Variants in ANK3 observed in about 807,000 individuals in gnomAD.
ANK3 encodes the protein ankyrin 3, also known as ankyrin-3.
A neutral mutation model predicts 370.9 loss-of-function variants in ANK3; 57 were observed. The observed-to-expected ratio is 0.15, with a 90% confidence interval of 0.12 to 0.19. The LOEUF is 0.19. Among genes scored for constraint, ANK3 ranks in the 10% least tolerant of loss-of-function variants. The pLI is 1.00. For synonymous variants in ANK3, 1,929 were observed against 1,946.3 expected (o/e 0.99, Z 0.23); for missense variants, 4,439 against 5,302.1 (o/e 0.84, Z 5.06).
At chr10:60,213,317 T>C (rs1400636665) in intron 9 of ANK3, 95 bp downstream of exon 9, 2 of 838,348 alleles carry the variant, frequency 2.4e-6, no homozygotes, top group African/African-American at 3.4e-5. Flanking sequence ...GACTGCTACA[T>C]TGAAAATGTC....
At chr10:60,490,815 A>C (rs2075478143) in intron 2 of ANK3, among the ~76,000 whole-genome samples, 1 of 152,198 alleles carries the variant, frequency 6.6e-6, no homozygotes, top group Admixed American at 6.5e-5. Context: ...AAATGTACAG[A>C]TTCTAAGTGT....
intron 17 of ANK3, among the ~76,000 whole-genome samples, chr10:60,185,494 A>G (rs1174311823): frequency 2.6e-5 from 4 of 152,336 alleles, no homozygotes; most frequent in South Asian, 2.1e-4. Flanking sequence ...GAAGAATCCA[A>G]CTTAGGATTC....
chr10:60,165,197 T>C (rs74156422), intron 23 of ANK3, among the ~76,000 whole-genome samples: 1,538 of 152,320 alleles, frequency 0.01, 27 homozygotes, highest in African/African-American at 0.035. Context: ...TTGACAAACA[T>C]ACTTTTGACA....
At chr10:60,517,227 C>T (rs779249378) in intron 2 of ANK3, among the ~76,000 whole-genome samples, 17 of 152,042 alleles carry the variant, frequency 1.1e-4, no homozygotes, top group Admixed American at 3.3e-4. Flanking sequence ...ACCACACTGG[C>T]TAATTTTTGT....
intron 23 of ANK3, among the ~76,000 whole-genome samples, chr10:60,155,360 C>T (rs148210604): frequency 6.6e-5 from 10 of 152,248 alleles, no homozygotes; most frequent in African/African-American, 9.6e-5. Context: ...TGCCAGTGCC[C>T]ACGGAAGGAG....
Position 60,635,707 on chromosome 10 carries a change from CA to C in ANK3, c.58-20484del, listed in dbSNP as rs3048271. ...ATTATAGCTTAAACCCTGGATATTA[CA>C]AAAAAAAAAAAGCTCATTGCAGCCA... On this transcript the variant is annotated intron_variant, in intron 1 of 43. Coordinates refer to the ANK3 transcript ENST00000373827. Among the ~76,000 whole-genome samples the C allele has an allele frequency of 9.5e-3, 1,410 of 148,866 alleles. 25 individuals are homozygous for C. The highest frequency in any genetic ancestry group is 0.028 in the African/African-American group (1,141 of 40,410).
intron 1 of ANK3, among the ~76,000 whole-genome samples, chr10:60,328,039 A>G (rs559863399): frequency 6.6e-6 from 1 of 152,316 alleles, no homozygotes; most frequent in African/African-American, 2.4e-5. Flanking sequence ...TCTTAAAAAA[A>G]AAGAATCCCT....
At chr10:60,324,661 T>A (rs1413560682) in intron 1 of ANK3, among the ~76,000 whole-genome samples, 1 of 152,126 alleles carries the variant, frequency 6.6e-6, no homozygotes, top group Non-Finnish European at 1.5e-5. Flanking sequence ...GTCTCCTAAT[T>A]TTTTTTCTTT....
intron 2 of ANK3, among the ~76,000 whole-genome samples, chr10:60,537,371 C>G (rs1425744923): frequency 1.3e-5 from 2 of 151,872 alleles, no homozygotes; most frequent in Non-Finnish European, 2.9e-5. Context: ...CTTGAACATA[C>G]TAATTATTTT....
chr10:60,645,751 A>T (rs76252672), intron 1 of ANK3, among the ~76,000 whole-genome samples: 7 of 149,670 alleles, frequency 4.7e-5, no homozygotes, highest in East Asian at 2.0e-4. Flanking sequence ...AGAAAATAAT[A>T]AAAAAAAAAT....
chr10:60,478,891 C>G (rs1341078859), intron 2 of ANK3, among the ~76,000 whole-genome samples: 6 of 151,966 alleles, frequency 3.9e-5, no homozygotes, highest in Admixed American at 3.9e-4. Flanking sequence ...GAAGTCTGAA[C>G]AGGGTAGCTA....
At chr10:60,213,580 A>G (rs1267537279) in intron 8 of ANK3, 70 bp from the exon 9 acceptor site, 4 of 1,002,848 alleles carry the variant, frequency 4.0e-6, no homozygotes, top group Admixed American at 4.8e-5. Flanking sequence ...TACTTCTTCA[A>G]GATCCAGCAT....
At chr10:60,313,769 A>G (rs2046837741) in intron 1 of ANK3, among the ~76,000 whole-genome samples, 1 of 152,240 alleles carries the variant, frequency 6.6e-6, no homozygotes, top group Non-Finnish European at 1.5e-5. Flanking sequence ...ATAGTCCAAC[A>G]GTTGACATTG....
intron 2 of ANK3, among the ~76,000 whole-genome samples, chr10:60,490,852 C>A (rs902819616): frequency 5.9e-5 from 9 of 152,244 alleles, no homozygotes; most frequent in African/African-American, 1.9e-4. Flanking sequence ...TGATAATTGT[C>A]TAAACTTATG....
chr10:60,429,622 C>T (rs2063969130), intron 2 of ANK3, among the ~76,000 whole-genome samples: 1 of 152,118 alleles, frequency 6.6e-6, no homozygotes, highest in Non-Finnish European at 1.5e-5. Flanking sequence ...AGGCTTTTGG[C>T]CTGGAAGGAC....
intron 2 of ANK3, among the ~76,000 whole-genome samples, chr10:60,556,762 G>C (rs1271973174): frequency 1.3e-5 from 2 of 152,148 alleles, no homozygotes; most frequent in East Asian, 3.9e-4. Flanking sequence ...GGCAGTTCCT[G>C]GATAAGTTAA....
Position 60,101,946 on chromosome 10 carries a change from C to G in ANK3, c.3328+3959G>C, listed in dbSNP as rs375861880. 1.3e-3 allele frequency among the ~76,000 whole-genome samples: 190 copies of G among 151,996 alleles called. 6 individuals are homozygous for G. In the South Asian group the frequency reaches 0.037, roughly 30 times the overall value. ...TTCACAGGCATCATTCATTTGAGAG[C>G]ATACAGAGGCAAAGGAGCAGTGCAG... On this transcript the variant is annotated intron_variant, in intron 28 of 43. Transcript: ENST00000280772.
chr10:60,196,640 A>AC lies in ANK3; in HGVS notation c.1690-16dup, dbSNP rs759565249. On this transcript the variant is annotated splice_polypyrimidine_tract_variant and intron_variant, in intron 14 of 43. Coordinates refer to ENST00000280772, the MANE Select transcript of ANK3 (RefSeq NM_020987.5). ...GTAAATCCTTTCTGAAAAAAAAAAA[A>AC]CATAAAAATAATGAACAATAGAAAT... 19 of 1,494,340 alleles carry AC rather than the reference A, an allele frequency of 1.3e-5. No homozygotes were observed. The African/African-American group carries it at 2.4e-4, about 19-fold the overall frequency. 92.6% of individuals were successfully genotyped at this position (1,494,340 alleles called of 1,614,324 possible).
intron 2 of ANK3, among the ~76,000 whole-genome samples, chr10:60,407,435 C>T (rs2063477380): frequency 6.6e-6 from 1 of 152,132 alleles, no homozygotes; most frequent in Non-Finnish European, 1.5e-5. Flanking sequence ...TATCATTGGA[C>T]AAAGTTGCGA....
Sources: gnomAD v4.1 joint callset for allele counts (sites outside exome capture counted in the v4.1 genomes callset) on GRCh38, gnomAD v4.1.1 for gene constraint, MANE v1.5 for transcripts, NCBI Gene and HGNC (gene_info 2026-07-23, HGNC 2026-07-21) for gene names.